Variants in GPR39 observed in about 807,000 individuals in gnomAD.
GPR39 encodes G protein-coupled receptor 39, also known as zinc sensing receptor.
A neutral mutation model predicts 18.4 loss-of-function variants in GPR39; 23 were observed. The ratio of observed to expected loss-of-function variants is 1.25; its 90% CI spans 0.90 to 1.77. The LOEUF is 1.77. Ranked by LOEUF, GPR39 falls within the 40% of genes most tolerant of loss-of-function variation. The pLI, the probability that GPR39 is intolerant of heterozygous loss-of-function variation, is 0.00. For missense variants in GPR39, 647 were observed against 602.4 expected (o/e 1.07, Z -0.78); for synonymous variants, 280 against 257.9 (o/e 1.09, Z -0.82).
chr2:132,550,641 T>C (rs187781191), intron 1 of GPR39, among the ~76,000 whole-genome samples: 1 of 152,346 alleles, frequency 6.6e-6, no homozygotes, highest in East Asian at 1.9e-4. Flanking sequence ...TTTCAGTTTA[T>C]CGTTTACATA....
chr2:132,583,753 T>A (rs369092203), intron 1 of GPR39, among the ~76,000 whole-genome samples: 12 of 150,878 alleles, frequency 8.0e-5, no homozygotes, highest in African/African-American at 2.9e-4. Flanking sequence ...AGGGCTAGAA[T>A]CACTGGGAGG....
chr2:132,592,616 T>C (rs1361706924), intron 1 of GPR39, among the ~76,000 whole-genome samples: 1 of 152,120 alleles, frequency 6.6e-6, no homozygotes, highest in Non-Finnish European at 1.5e-5. Flanking sequence ...AAAGGATCAC[T>C]CTGGATGCTG....
chr2:132,608,694 G>T (rs1681184470), intron 1 of GPR39, among the ~76,000 whole-genome samples: 1 of 152,182 alleles, frequency 6.6e-6, no homozygotes, highest in Non-Finnish European at 1.5e-5. Flanking sequence ...CATTGATTCA[G>T]TTCTCAGCCA....
At chr2:132,522,117 G>A (rs1472820574) in intron 1 of GPR39, among the ~76,000 whole-genome samples, 1 of 152,120 alleles carries the variant, frequency 6.6e-6, no homozygotes, top group African/African-American at 2.4e-5. Context: ...TGGGGGATTT[G>A]GAGTCCCTAT....
chr2:132,587,418 A>C (rs560035801), intron 1 of GPR39, among the ~76,000 whole-genome samples: 1 of 152,334 alleles, frequency 6.6e-6, no homozygotes, highest in South Asian at 2.1e-4. Flanking sequence ...GGCCAGTGTT[A>C]GTGTTAAGGT....
At position 132,567,870 on chromosome 2, in the gene GPR39, AAAGGGGAGT is replaced by A. The variant is rs1298798274; in HGVS notation, c.857-77230_857-77222del. Among the ~76,000 whole-genome samples the A allele has an allele frequency of 9.1e-3, 1,386 of 151,604 alleles. 21 individuals are homozygous for A. The highest frequency in any genetic ancestry group is 0.029 in the African/African-American group (1,215 of 41,296). The stretch of plus-strand genomic sequence containing the variant: ...GTTTCACGAGATCTGATGGTTTTAA[AAAGGGGAGT>A]TTCCCTACACAAGCGCTCTTCTCTT... On this transcript the variant is annotated intron_variant, in intron 1 of 1. Coordinates refer to ENST00000329321, the MANE Select transcript of GPR39 (RefSeq NM_001508.3).
chr2:132,521,735 C>T (rs1028211472), intron 1 of GPR39, among the ~76,000 whole-genome samples: 1 of 152,142 alleles, frequency 6.6e-6, no homozygotes, highest in Non-Finnish European at 1.5e-5. Context: ...GCCAAGATGA[C>T]ACTGGATACT....
At chr2:132,489,871 G>T (rs1426475629) in intron 1 of GPR39, among the ~76,000 whole-genome samples, 1 of 151,930 alleles carries the variant, frequency 6.6e-6, no homozygotes, top group Admixed American at 6.6e-5. Context: ...CAGCTGAAAA[G>T]CTACTTCAGA....
chr2:132,540,228 T>G (rs1679837563), intron 1 of GPR39, among the ~76,000 whole-genome samples: 1 of 149,572 alleles, frequency 6.7e-6, no homozygotes, highest in Non-Finnish European at 1.5e-5. Flanking sequence ...AACTTAAAAT[T>G]GTCATACTAA....
intron 1 of GPR39, chr2:132,604,321 T>G (rs577162682): frequency 3.3e-5 from 5 of 152,328 alleles, no homozygotes; most frequent in Middle Eastern, 3.4e-3. Flanking sequence ...AGTTCTTTGT[T>G]TAAACTACCG....
chr2:132,482,104 A>C (rs1031202018), intron 1 of GPR39, among the ~76,000 whole-genome samples: 2 of 152,142 alleles, frequency 1.3e-5, no homozygotes, highest in Non-Finnish European at 2.9e-5. Context: ...CCACTGTCCC[A>C]AGAGTGGTTC....
chr2:132,541,765 A>G (rs909128090), intron 1 of GPR39, among the ~76,000 whole-genome samples: 1 of 152,206 alleles, frequency 6.6e-6, no homozygotes, highest in Non-Finnish European at 1.5e-5. Context: ...CTTTGGTGAC[A>G]TCAGCAAAGT....
intron 1 of GPR39, among the ~76,000 whole-genome samples, chr2:132,529,602 C>G (rs12052674): frequency 0.13 from 19,267 of 152,252 alleles, 2,108 homozygotes; most frequent in East Asian, 0.59. Context: ...GAGGCATCCC[C>G]CAGTAGGGGC....
chr2:132,611,573 TTTC>T (rs768310898), intron 1 of GPR39, among the ~76,000 whole-genome samples: 12 of 152,246 alleles, frequency 7.9e-5, no homozygotes, highest in Non-Finnish European at 1.3e-4. Flanking sequence ...TATGACCAAT[TTTC>T]TTCTAGGAAA....
At chr2:132,543,051 T>C (rs3115031) in intron 1 of GPR39, among the ~76,000 whole-genome samples, 56,800 of 152,020 alleles carry the variant, frequency 0.37, 11,155 homozygotes, top group East Asian at 0.74. Context: ...GAGATAATGA[T>C]GCAGGACTTT....
chr2:132,417,567 T>G lies in GPR39; in HGVS notation c.525T>G (p.Gly175=), dbSNP rs747320566. 34 of 1,613,970 alleles carry G rather than the reference T, an allele frequency of 2.1e-5. No homozygotes were observed. Among genetic ancestry groups the G allele is most frequent in the Non-Finnish European group, 2.9e-5 (34 of 1,180,026 alleles). Residue 175 remains glycine (G), a synonymous_variant, in exon 1 of 2, where the codon GGT becomes GGG. Coordinates refer to ENST00000329321, the MANE Select transcript of GPR39 (RefSeq NM_001508.3). ...CACTGCCCTTGCTGTTTGCCATGGG[T>G]ACTGAGTACCCCCTGGTGAACGTGC... The part of the protein sequence containing the change: ...LVALPLLFAM[G]TEYPLVNVPS...
chr2:132,529,216 TGGCTCGGAGG>T (rs1400276208), intron 1 of GPR39, among the ~76,000 whole-genome samples: 4 of 152,194 alleles, frequency 2.6e-5, no homozygotes, highest in African/African-American at 9.6e-5. Flanking sequence ...ATCCCACACC[TGGCTCGGAGG>T]GTCCTATGCA....
chr2:132,511,480 A>C (rs906774552), intron 1 of GPR39, among the ~76,000 whole-genome samples: 8 of 152,226 alleles, frequency 5.3e-5, no homozygotes, highest in Non-Finnish European at 2.9e-5. Context: ...CTAAACAAAA[A>C]TGACAAAATG....
At chr2:132,560,375 C>G (rs1410781826) in intron 1 of GPR39, among the ~76,000 whole-genome samples, 3 of 152,204 alleles carry the variant, frequency 2.0e-5, no homozygotes, top group African/African-American at 7.2e-5. Flanking sequence ...GAAACTGGCC[C>G]TGAACCTGGG....
Sources: allele counts gnomAD v4.1 joint callset (sites outside exome capture counted in the v4.1 genomes callset), GRCh38; gene constraint gnomAD v4.1.1; transcripts MANE v1.5; gene names NCBI Gene and HGNC (gene_info 2026-07-23, HGNC 2026-07-21).